ITGB3BP: variants seen among roughly 807,000 people sequenced by gnomAD.
The protein encoded by ITGB3BP is integrin subunit beta 3 binding protein, also known as centromere protein R.
Under a neutral mutation model 29.1 loss-of-function variants are expected in ITGB3BP, and 27 were observed. The ratio of observed to expected loss-of-function variants is 0.93; its 90% CI spans 0.68 to 1.28. The LOEUF is 1.28. Ranked by LOEUF, ITGB3BP falls within the 50% of genes most tolerant of loss-of-function variation. ITGB3BP has a pLI of 0.00. For missense variants in ITGB3BP, 192 were observed against 200.2 expected, an observed-to-expected ratio of 0.96 and a Z score of 0.25; for synonymous variants, 61 against 61.4, an observed-to-expected ratio of 0.99 and a Z score of 0.03.
upstream of ITGB3BP, among the ~76,000 whole-genome samples, chr1:63,525,416 T>C (rs939951891): frequency 6.6e-6 from 1 of 152,202 alleles, no homozygotes; most frequent in African/African-American, 2.4e-5. Flanking sequence ...TACTTCCACA[T>C]ATAAAACTTT....
chr1:63,452,534 G>A (rs947821552), intron 7 of ITGB3BP, among the ~76,000 whole-genome samples: 1 of 152,146 alleles, frequency 6.6e-6, no homozygotes, highest in African/African-American at 2.4e-5. Flanking sequence ...AGGCGTGTTG[G>A]CTTATGCCTG....
chr1:63,445,587 T>G (rs910230614), intron 8 of ITGB3BP, among the ~76,000 whole-genome samples: 22 of 151,684 alleles, frequency 1.5e-4, no homozygotes, highest in Non-Finnish European at 8.8e-5. Flanking sequence ...GCAAAACACC[T>G]GGTAAGCTAA....
chr1:63,463,228 A>T (rs2100545652), intron 4 of ITGB3BP, among the ~76,000 whole-genome samples: 1 of 148,466 alleles, frequency 6.7e-6, no homozygotes, highest in Non-Finnish European at 1.5e-5. Context: ...CAGCATGGGC[A>T]ACAAGAGCGA....
intron 4 of ITGB3BP, among the ~76,000 whole-genome samples, chr1:63,472,660 G>A (rs953131163): frequency 1.3e-5 from 2 of 150,084 alleles, no homozygotes; most frequent in Non-Finnish European, 3.0e-5. Flanking sequence ...TTTTTTTGGT[G>A]GAGACGGGGT....
intron 3 of ITGB3BP, among the ~76,000 whole-genome samples, chr1:63,489,427 G>A (rs570029274): frequency 5.1e-4 from 75 of 148,322 alleles, no homozygotes; most frequent in African/African-American, 1.7e-3. Flanking sequence ...AAAACCCCAC[G>A]GAATCGAGAT....
At chr1:63,489,337 T>C (rs7527536) in intron 3 of ITGB3BP, among the ~76,000 whole-genome samples, 36,230 of 150,906 alleles carry the variant, frequency 0.24, 4,969 homozygotes, top group Non-Finnish European at 0.32. Context: ...ATCTAAAGGA[T>C]ACACTATTAA....
intron 2 of ITGB3BP, among the ~76,000 whole-genome samples, chr1:63,505,650 T>C (rs1171889457): frequency 6.6e-6 from 1 of 152,200 alleles, no homozygotes; most frequent in African/African-American, 2.4e-5. Flanking sequence ...TGTGGGCATT[T>C]AGTGCTATAA....
At chr1:63,457,615 T>C (rs957249808) in intron 4 of ITGB3BP, 2 of 152,216 alleles carry the variant, frequency 1.3e-5, no homozygotes, top group Non-Finnish European at 2.9e-5. Context: ...TTCAAAGTTA[T>C]TGTGGCTCTT....
intron 2 of ITGB3BP, among the ~76,000 whole-genome samples, chr1:63,495,200 T>C (rs1645757123): frequency 6.6e-6 from 1 of 152,186 alleles, no homozygotes; most frequent in Non-Finnish European, 1.5e-5. Context: ...CATATGAATT[T>C]TGTATATGAA....
chr1:63,502,527 T>TC (rs1252567416), intron 2 of ITGB3BP, among the ~76,000 whole-genome samples: 1 of 151,280 alleles, frequency 6.6e-6, no homozygotes, highest in Non-Finnish European at 1.5e-5. Context: ...TTTTTTTTTT[T>TC]TAATACTTTA....
intron 3 of ITGB3BP, among the ~76,000 whole-genome samples, chr1:63,487,824 T>C (rs1222355175): frequency 2.0e-5 from 3 of 152,094 alleles, no homozygotes; most frequent in African/African-American, 7.2e-5. Flanking sequence ...AGCAGCGAGC[T>C]AGGTTTGTTT....
chr1:63,525,444 C>G, upstream of ITGB3BP: 1 of 679,418 alleles, frequency 1.5e-6, no homozygotes, highest in Non-Finnish European at 2.3e-6. Context: ...TTGATCTTTT[C>G]ATATATGTTA....
chr1:63,491,035 T>C (rs1358680815), intron 2 of ITGB3BP, among the ~76,000 whole-genome samples: 1 of 152,158 alleles, frequency 6.6e-6, no homozygotes, highest in Non-Finnish European at 1.5e-5. Flanking sequence ...ACCTACAGCT[T>C]CAGTCACTAG....
intron 3 of ITGB3BP, among the ~76,000 whole-genome samples, chr1:63,489,382 A>G (rs892537406): frequency 2.0e-5 from 3 of 150,464 alleles, no homozygotes; most frequent in Admixed American, 6.7e-5. Context: ...TTATAAAACT[A>G]CATGTCACTG....
At chr1:63,476,871 T>C (rs577463623) in intron 4 of ITGB3BP, among the ~76,000 whole-genome samples, 3 of 152,250 alleles carry the variant, frequency 2.0e-5, no homozygotes, top group African/African-American at 4.8e-5. Context: ...TCCTTTTGTA[T>C]AATTTGAACT....
At chr1:63,479,930 T>C (rs1645408557) in intron 3 of ITGB3BP, among the ~76,000 whole-genome samples, 1 of 152,196 alleles carries the variant, frequency 6.6e-6, no homozygotes, top group Admixed American at 6.5e-5. Context: ...TTCTTTGACA[T>C]ACTGATTTAA....
chr1:63,523,300 G>T, upstream of ITGB3BP: 2 of 841,476 alleles, frequency 2.4e-6, no homozygotes, highest in Non-Finnish European at 3.9e-6. Context: ...CGAAGGATCC[G>T]GGTGTGCGCG....
intron 2 of ITGB3BP, among the ~76,000 whole-genome samples, chr1:63,493,900 A>T (rs6701078): frequency 0.73 from 111,560 of 152,124 alleles, 43,004 homozygotes; most frequent in Non-Finnish European, 0.85. Context: ...AAAATATTTA[A>T]AATACAGATA....
intron 8 of ITGB3BP, among the ~76,000 whole-genome samples, chr1:63,441,729 T>C (rs1644733190): frequency 6.6e-6 from 1 of 152,166 alleles, no homozygotes; most frequent in South Asian, 2.1e-4. Context: ...CAGCAGGTGT[T>C]TCCTCCAACA....
Sources: allele counts gnomAD v4.1 joint callset (sites outside exome capture counted in the v4.1 genomes callset), GRCh38; gene constraint gnomAD v4.1.1; transcripts MANE v1.5; gene names NCBI Gene and HGNC (gene_info 2026-07-23, HGNC 2026-07-21).